The following CDK19 variants were observed in gnomAD, a reference collection of about 807,000 sequenced individuals.
CDK19 encodes cyclin-dependent kinase 19.
Under a neutral mutation model 68.3 loss-of-function variants are expected in CDK19, and 20 were observed. The observed-to-expected ratio is 0.29, with a 90% CI of 0.21 to 0.43. The LOEUF is 0.43. Among genes scored for constraint, CDK19 ranks in the 20% least tolerant of loss-of-function variants. The probability of loss-of-function intolerance (pLI) is 1.00; values close to 1 mark genes in which losing one functional copy is unlikely to be tolerated. For missense variants in CDK19, 339 were observed against 623.5 expected, an observed-to-expected ratio of 0.54 and a Z score of 4.86; for synonymous variants, 221 against 222.8, an observed-to-expected ratio of 0.99 and a Z score of 0.07.
intron 2 of CDK19, among the ~76,000 whole-genome samples, chr6:110,692,983 C>G (rs1211053854): frequency 6.6e-6 from 1 of 152,040 alleles, no homozygotes; most frequent in African/African-American, 2.4e-5. Context: ...GGCAACAAAG[C>G]AAGACTCCAT....
At chr6:110,646,509 G>A (rs1353515430) in intron 4 of CDK19, 55 of 1,374,398 alleles carry the variant, frequency 4.0e-5, no homozygotes, top group Non-Finnish European at 5.3e-5. Flanking sequence ...GTGGTGCCCT[G>A]GGAAACCGAC....
intron 5 of CDK19, among the ~76,000 whole-genome samples, chr6:110,637,825 C>CA (rs1779880088): frequency 6.6e-6 from 1 of 151,910 alleles, no homozygotes; most frequent in Non-Finnish European, 1.5e-5. Context: ...ACTAAATACA[C>CA]AAAAAAATTA....
At chr6:110,631,458 C>G (rs1035108529) in intron 6 of CDK19, among the ~76,000 whole-genome samples, 1 of 152,162 alleles carries the variant, frequency 6.6e-6, no homozygotes, top group Non-Finnish European at 1.5e-5. Context: ...GTGTTTATAA[C>G]AGATTTTCTT....
At chr6:110,643,796 A>G (rs542322970) in intron 4 of CDK19, among the ~76,000 whole-genome samples, 86 of 152,316 alleles carry the variant, frequency 5.6e-4, no homozygotes, top group Non-Finnish European at 1.1e-3. Flanking sequence ...AATTTACTCT[A>G]TAGGCAAAGC....
Position 110,746,180 on chromosome 6 carries a change from T to C in CDK19, c.150A>G (p.Ala50=). Residue 50 remains alanine (A), a synonymous_variant, in exon 2 of 13, where the codon GCA becomes GCG. Transcript: ENST00000368911. ...TTCCTGTGCCTTCAATTTGCTTCAA[T>C]GCATATTCCTTTTCATCTTTTCTGC... ...RKDGKDEKEY[A]LKQIEGTGIS... 1 of 1,602,128 alleles carries C rather than the reference T, an allele frequency of 6.2e-7. No homozygotes were observed. Among genetic ancestry groups the C allele is most frequent in the Non-Finnish European group, 8.5e-7 (1 of 1,174,480 alleles).
intron 1 of CDK19, among the ~76,000 whole-genome samples, chr6:110,769,156 A>G: frequency 6.6e-6 from 1 of 150,878 alleles, no homozygotes; most frequent in Non-Finnish European, 1.5e-5. Flanking sequence ...CTGTCTCAAA[A>G]AAAAAAAAAA....
intron 1 of CDK19, among the ~76,000 whole-genome samples, chr6:110,812,516 G>A (rs1783184659): frequency 6.6e-6 from 1 of 152,106 alleles, no homozygotes; most frequent in Admixed American, 6.5e-5. Flanking sequence ...ATTGCCTAAA[G>A]TCATACTTCA....
At chr6:110,808,973 G>A (rs542941444) in intron 1 of CDK19, among the ~76,000 whole-genome samples, 39 of 151,888 alleles carry the variant, frequency 2.6e-4, no homozygotes, top group African/African-American at 8.7e-4. Context: ...TTGGGAGGCC[G>A]AGGCAAGTGG....
At chr6:110,709,801 T>C (rs935555408) in intron 2 of CDK19, among the ~76,000 whole-genome samples, 1 of 152,206 alleles carries the variant, frequency 6.6e-6, no homozygotes, top group Non-Finnish European at 1.5e-5. Context: ...TAAGAAGCTG[T>C]AGTATTCTTG....
intron 4 of CDK19, chr6:110,645,687 C>A: frequency 2.6e-6 from 1 of 383,570 alleles, no homozygotes; most frequent in African/African-American, 2.1e-5. Context: ...TTGTCCCCTC[C>A]AATTTCCGAA....
rs145362632 is a variant in CDK19 at position 110,725,554 on chromosome 6, CAGAG to C, written c.204+20568_204+20571del. On this transcript the variant is annotated intron_variant, in intron 2 of 12. Transcript: ENST00000368911. ...AAATCAGTAGACAGAGAGAGAGGGG[CAGAG>C]AGAGAGAGAGAGAAACAGATCCTGA... is the stretch of plus-strand genomic sequence containing the variant. Among the ~76,000 whole-genome samples the C allele has an allele frequency of 4.6e-4, 69 of 149,566 alleles. 1 individual carries two copies. In the East Asian group the frequency reaches 0.013, roughly 28 times the overall value.
intron 4 of CDK19, among the ~76,000 whole-genome samples, chr6:110,639,734 C>G (rs1780011098): frequency 6.6e-6 from 1 of 152,062 alleles, no homozygotes; most frequent in Non-Finnish European, 1.5e-5. Context: ...AAAACAAATT[C>G]AAAGGAGGAA....
intron 2 of CDK19, among the ~76,000 whole-genome samples, chr6:110,696,392 TACTG>T (rs888951612): frequency 5.9e-5 from 9 of 152,154 alleles, no homozygotes; most frequent in African/African-American, 2.2e-4. Context: ...GGCAACATGA[TACTG>T]AATGAGGAAA....
intron 1 of CDK19, among the ~76,000 whole-genome samples, chr6:110,762,497 A>T (rs1249343418): frequency 6.6e-6 from 1 of 152,298 alleles, no homozygotes; most frequent in East Asian, 1.9e-4. Flanking sequence ...TATATACCTC[A>T]TATACCTATC....
chr6:110,726,457 G>A (rs1027221193), intron 2 of CDK19, among the ~76,000 whole-genome samples: 2 of 152,076 alleles, frequency 1.3e-5, no homozygotes. Flanking sequence ...TAAAGAAAAT[G>A]GGGGGATTAT....
At chr6:110,657,470 T>C (rs1781374022) in intron 4 of CDK19, among the ~76,000 whole-genome samples, 1 of 152,204 alleles carries the variant, frequency 6.6e-6, no homozygotes, top group Non-Finnish European at 1.5e-5. Context: ...TATATATTTA[T>C]CAAAACTCAT....
At chr6:110,617,605 G>A (rs953849144) in intron 12 of CDK19, among the ~76,000 whole-genome samples, 4 of 150,630 alleles carry the variant, frequency 2.7e-5, no homozygotes, top group Admixed American at 6.7e-5. Flanking sequence ...CCAACATGGC[G>A]AAACCCTGTC....
intron 4 of CDK19, among the ~76,000 whole-genome samples, chr6:110,660,101 G>T (rs1031616957): frequency 1.3e-5 from 2 of 152,082 alleles, no homozygotes; most frequent in African/African-American, 4.8e-5. Context: ...TGAGTAGCTG[G>T]GACTGCAGGC....
Position 110,812,833 on chromosome 6 carries a change from AT to A in CDK19, c.128+2175del, listed in dbSNP as rs1248689988. Among the ~76,000 whole-genome samples, 19 of 147,250 alleles carry A rather than the reference AT, an allele frequency of 1.3e-4. No homozygotes were observed. The South Asian group carries it at 2.0e-3, about 16-fold the overall frequency. On this transcript the variant is annotated intron_variant, in intron 1 of 12. Coordinates refer to ENST00000368911, the MANE Select transcript of CDK19 (RefSeq NM_015076.5). ...ACAGTAAAAAAAAAAAAAAAAAAAAATTTAACATGAACCCAAAGGACACAGA... is the reference window on the plus strand; with the variant it reads ...ACAGTAAAAAAAAAAAAAAAAAAAAATTAACATGAACCCAAAGGACACAGA...
Sources: allele counts gnomAD v4.1 joint callset (sites outside exome capture counted in the v4.1 genomes callset), GRCh38; gene constraint gnomAD v4.1.1; transcripts MANE v1.5; gene names NCBI Gene and HGNC (gene_info 2026-07-23, HGNC 2026-07-21).